The following CHRM2 variants were observed in gnomAD, a reference collection of about 807,000 sequenced individuals.
The protein encoded by CHRM2 is muscarinic acetylcholine receptor M2.
A neutral mutation model predicts 25.0 loss-of-function variants in CHRM2; 8 were observed. That is an observed-to-expected ratio of 0.32 (90% CI 0.19 to 0.58). The LOEUF is 0.58. Ranked by LOEUF, CHRM2 falls within the 20% of genes least tolerant of loss-of-function variation. The pLI is 0.88. For missense variants in CHRM2, 440 were observed against 567.1 expected, an observed-to-expected ratio of 0.78 and a Z score of 2.28; for synonymous variants, 202 against 205.7, an observed-to-expected ratio of 0.98 and a Z score of 0.15.
At chr7:136,996,659 A>G (rs324633) in intron 3 of CHRM2, among the ~76,000 whole-genome samples, 41,346 of 152,066 alleles carry the variant, frequency 0.27, 5,734 homozygotes, top group East Asian at 0.32. Context: ...AAAATTAGAA[A>G]TAAATTAAGT....
intron 2 of CHRM2, among the ~76,000 whole-genome samples, chr7:136,896,469 C>T (rs1796906780): frequency 6.6e-6 from 1 of 152,114 alleles, no homozygotes; most frequent in Admixed American, 6.5e-5. Flanking sequence ...GTAGTAATCT[C>T]CAGCTGGATG....
chr7:136,951,266 C>G (rs1800399075), intron 2 of CHRM2, among the ~76,000 whole-genome samples: 1 of 152,126 alleles, frequency 6.6e-6, no homozygotes, highest in Non-Finnish European at 1.5e-5. Flanking sequence ...CAAAGAAACC[C>G]TGTCAATTTT....
At chr7:136,937,512 T>A (rs1345407193) in intron 2 of CHRM2, among the ~76,000 whole-genome samples, 1 of 152,096 alleles carries the variant, frequency 6.6e-6, no homozygotes, top group Non-Finnish European at 1.5e-5. Flanking sequence ...AAATAAGATA[T>A]GAGGCAATGA....
At chr7:136,875,816 T>C (rs891850259) in intron 2 of CHRM2, among the ~76,000 whole-genome samples, 22 of 152,186 alleles carry the variant, frequency 1.4e-4, no homozygotes, top group African/African-American at 5.3e-4. Context: ...TCCATGCACA[T>C]AGCTTAGTGT....
chr7:136,994,513 T>C (rs986473671), intron 3 of CHRM2, among the ~76,000 whole-genome samples: 1 of 146,262 alleles, frequency 6.8e-6, no homozygotes, highest in African/African-American at 2.5e-5. Context: ...CTGCTCTTTT[T>C]TTCTTTTCTT....
At chr7:136,927,555 G>A (rs1798818687) in intron 2 of CHRM2, among the ~76,000 whole-genome samples, 1 of 152,090 alleles carries the variant, frequency 6.6e-6, no homozygotes, top group Admixed American at 6.6e-5. Context: ...TAAGTAAATT[G>A]TACTCTTACA....
chr7:136,964,046 T>C (rs1221988813), intron 2 of CHRM2, among the ~76,000 whole-genome samples: 1 of 152,154 alleles, frequency 6.6e-6, no homozygotes, highest in Non-Finnish European at 1.5e-5. Flanking sequence ...CATTCCTGTT[T>C]TGAAAGTTTG....
At chr7:136,871,730 T>C (rs1795848406) in intron 2 of CHRM2, 1 of 152,156 alleles carries the variant, frequency 6.6e-6, no homozygotes. Context: ...TAAGAACAAT[T>C]GACTTGGCCA....
At chr7:136,978,068 G>T (rs548315148) in intron 2 of CHRM2, among the ~76,000 whole-genome samples, 2 of 152,042 alleles carry the variant, frequency 1.3e-5, no homozygotes, top group South Asian at 2.1e-4. Flanking sequence ...TACTAGAGAG[G>T]GGGTGGAGGA....
intron 3 of CHRM2, among the ~76,000 whole-genome samples, chr7:137,010,505 AC>A (rs947804736): frequency 6.6e-6 from 1 of 151,988 alleles, no homozygotes; most frequent in Non-Finnish European, 1.5e-5. Flanking sequence ...ACATCTAAAA[AC>A]TTTTACAGAA....
At chr7:136,938,405 C>T in intron 2 of CHRM2, 1 of 1,557,326 alleles carries the variant, frequency 6.4e-7, no homozygotes, top group South Asian at 1.1e-5. Flanking sequence ...AGGAACCGTA[C>T]CTTGTCTATG....
At chr7:137,005,114 T>C (rs1358144658) in intron 3 of CHRM2, among the ~76,000 whole-genome samples, 1 of 152,118 alleles carries the variant, frequency 6.6e-6, no homozygotes, top group African/African-American at 2.4e-5. Flanking sequence ...CTGGTTTCTC[T>C]GTACCCTATA....
chr7:136,984,768 G>A (rs1031836651), intron 2 of CHRM2, among the ~76,000 whole-genome samples: 1 of 151,748 alleles, frequency 6.6e-6, no homozygotes, highest in Non-Finnish European at 1.5e-5. Context: ...GCCCTCCATG[G>A]GCTGCATCCA....
At position 137,008,072 on chromosome 7, in the gene CHRM2, C is replaced by G. The variant is rs183132605; in HGVS notation, c.-46-6748C>G. ...ACCTGAATGGTCATCTCTCCTATGT[C>G]AGAAAAAAAATATAGCTGGAATGTC... On this transcript the variant is annotated intron_variant, in intron 3 of 3. Transcript: ENST00000680005. Among the ~76,000 whole-genome samples the G allele has an allele frequency of 1.6e-4, 25 of 151,866 alleles. No individual in the cohort carries two copies. In the East Asian group the frequency reaches 4.9e-3, roughly 30 times the overall value.
At chr7:137,004,098 A>G (rs1804256402) in intron 3 of CHRM2, among the ~76,000 whole-genome samples, 1 of 152,158 alleles carries the variant, frequency 6.6e-6, no homozygotes. Context: ...TTGTGCTTCA[A>G]GGAAAAACCA....
At chr7:136,897,611 A>G (rs1796973942) in intron 2 of CHRM2, among the ~76,000 whole-genome samples, 1 of 151,944 alleles carries the variant, frequency 6.6e-6, no homozygotes, top group Non-Finnish European at 1.5e-5. Flanking sequence ...TTTGAATACC[A>G]TAGGTGTAAC....
chr7:136,940,173 T>C (rs1799681633), intron 2 of CHRM2, among the ~76,000 whole-genome samples: 1 of 152,190 alleles, frequency 6.6e-6, no homozygotes, highest in South Asian at 2.1e-4. Context: ...AACAACAAAC[T>C]AAACAAGAAA....
intron 2 of CHRM2, among the ~76,000 whole-genome samples, chr7:136,916,461 A>C (rs1197904218): frequency 1.3e-5 from 2 of 151,716 alleles, no homozygotes. Flanking sequence ...ATGAATTCTG[A>C]GGACCATATT....
At position 137,011,864 on chromosome 7, in the gene CHRM2, C is replaced by T. The variant is rs1389083210; in HGVS notation, c.-46-2956C>T. Among the ~76,000 whole-genome samples, 12 of 151,934 alleles carry T rather than the reference C, an allele frequency of 7.9e-5. No individual in the cohort carries two copies. The Admixed American group carries it at 7.9e-4, about 10-fold the overall frequency. On this transcript the variant is annotated intron_variant, in intron 3 of 3. Coordinates refer to ENST00000680005, the MANE Select transcript of CHRM2 (RefSeq NM_001006630.2). ...CCTGCATGCAAGTGAAATGCCAACC[C>T]CTTTTCCAGAATTCAGCTTTCAGGA...
Sources: gnomAD v4.1 joint callset for allele counts (sites outside exome capture counted in the v4.1 genomes callset) on GRCh38, gnomAD v4.1.1 for gene constraint, MANE v1.5 for transcripts, NCBI Gene and HGNC (gene_info 2026-07-23, HGNC 2026-07-21) for gene names.